The following MYO15B variants were observed in gnomAD, a reference collection of about 807,000 sequenced individuals.
The protein encoded by MYO15B is myosin XVB pseudogene.
In MYO15B, 207 loss-of-function variants were observed where a neutral mutation model predicts 119.3. The observed-to-expected ratio is 1.73, with a 90% confidence interval of 1.55 to 1.95. The LOEUF is 1.95. MYO15B is among the 30% of genes most tolerant of loss of function. MYO15B has a pLI of 0.00. For missense variants in MYO15B, 2,264 were observed against 1,203.1 expected (o/e 1.88, Z -13.04); for synonymous variants, 966 against 498.9 (o/e 1.94, Z -12.48).
intron 36 of MYO15B, 86 bp from the exon 37 acceptor site, chr17:75,615,983 T>C (rs2058348425): frequency 5.0e-6 from 3 of 596,170 alleles, no homozygotes; most frequent in Non-Finnish European, 9.0e-6. Context: ...GGGAAGAGGC[T>C]GCTGGCCCAG....
At chr17:75,604,638 C>G (rs371364844) in intron 19 of MYO15B, among the ~76,000 whole-genome samples, 63 of 150,622 alleles carry the variant, frequency 4.2e-4, no homozygotes, top group African/African-American at 1.4e-3. Context: ...CTGTTGCTCC[C>G]GTGGCCCAGA....
At position 75,591,235 on chromosome 17, in the gene MYO15B, C is replaced by T. The variant is rs770347217; in HGVS notation, c.2424C>T (p.Cys808=). 92 of 702,968 alleles carry T rather than the reference C, an allele frequency of 1.3e-4. No individual in the cohort carries two copies. The Middle Eastern group carries it at 3.9e-3, about 30-fold the overall frequency. 43.5% of individuals were successfully genotyped at this position (702,968 alleles called of 1,614,324 possible). A position where few individuals can be genotyped will look rare whatever the true frequency, so the allele number is the denominator to read the frequency against. The stretch of plus-strand genomic sequence containing the variant: ...CTCAGAATACTGGGCAGGACCCATG[C>T]ATCCTCCTGTGGTGAGTGGTGGCCT... The change falls in exon 4 of 64, where the codon TGC becomes TGT. Residue 808 remains cysteine, a synonymous_variant. Transcript: ENST00000645453.
In MYO15B at chr17:75,616,348, CG is replaced by C. The variant is rs752625324; in HGVS notation, c.6148del (p.Ala2050ProfsTer42). ...ATCACAGTGAGGACGATGAAGCCCC[CG>C]GCCAAGGTCCACATCCCCCAGGGGG... On this transcript the variant is annotated frameshift_variant, in exon 38 of 64. Coordinates refer to ENST00000645453, the Ensembl canonical transcript of MYO15B. LOFTEE classifies it high-confidence loss of function. The C allele has an allele frequency of 3.0e-5, 18 of 610,110 alleles. No homozygotes were observed. The highest frequency in any genetic ancestry group is 5.2e-5 in the Non-Finnish European group (18 of 343,476). 37.8% of individuals were successfully genotyped at this position (610,110 alleles called of 1,614,324 possible). A position where few individuals can be genotyped will look rare whatever the true frequency, so the allele number is the denominator to read the frequency against.
In MYO15B at chr17:75,622,158, T is replaced by C. The variant is rs1598923534; in HGVS notation, c.8082+78T>C. On this transcript the variant is annotated intron_variant, in intron 53 of 63. Transcript: ENST00000645453. ...CCTGAAGGAGATCCCCTTCTCTTGG[T>C]CACTGTCCTTCAAATCATTCCAAAG... 24 of 688,058 alleles carry C rather than the reference T, an allele frequency of 3.5e-5. No homozygotes were observed. In the East Asian group the frequency reaches 6.5e-4, roughly 19 times the overall value. 42.6% of individuals were successfully genotyped at this position (688,058 alleles called of 1,614,324 possible).
At chr17:75,600,265 G>T (rs1006417868) in intron 14 of MYO15B, among the ~76,000 whole-genome samples, 2 of 151,928 alleles carry the variant, frequency 1.3e-5, no homozygotes, top group East Asian at 3.9e-4. Context: ...CTGACCTCGT[G>T]ATCCACCTGC....
At chr17:75,612,118 T>C in intron 25 of MYO15B, 102 bp downstream of exon 25, 1 of 654,686 alleles carries the variant, frequency 1.5e-6, no homozygotes, top group Admixed American at 2.2e-5. Context: ...GCTCTTGCCC[T>C]CCTTCCTCCC....
chr17:75,625,003 G>C, intron 59 of MYO15B, 87 bp downstream of exon 59: 2 of 674,020 alleles, frequency 3.0e-6, no homozygotes, highest in East Asian at 2.7e-5. Flanking sequence ...TCCCCACAAG[G>C]GTGTGGGTCT....
At chr17:75,611,958 C>G (rs1294233010) in exon 25 of MYO15B, 1 of 702,880 alleles carries the variant, frequency 1.4e-6, no homozygotes, top group African/African-American at 1.7e-5. Context: ...CCCAGCCTGA[C>G]TCTCCCAGCA....
At chr17:75,607,604 C>T (rs944056618) in intron 21 of MYO15B, among the ~76,000 whole-genome samples, 1 of 151,926 alleles carries the variant, frequency 6.6e-6, no homozygotes, top group Non-Finnish European at 1.5e-5. Flanking sequence ...GCACCCACCA[C>T]CCGCCACCAC....
chr17:75,603,356 G>T, intron 19 of MYO15B, 44 bp downstream of exon 19: 1 of 698,102 alleles, frequency 1.4e-6, no homozygotes, highest in South Asian at 1.5e-5. Context: ...GGAGGCCACC[G>T]GGAGTGACTG....
chr17:75,614,437 G>A (rs2058233662), intron 30 of MYO15B, 77 bp downstream of exon 30: 2 of 676,730 alleles, frequency 3.0e-6, no homozygotes, highest in East Asian at 2.7e-5. Context: ...ACACTCAGGG[G>A]TTTATAGGAG....
intron 14 of MYO15B, among the ~76,000 whole-genome samples, chr17:75,601,223 G>T (rs1425576156): frequency 6.6e-6 from 1 of 152,034 alleles, no homozygotes; most frequent in East Asian, 1.9e-4. Context: ...ATTTTTTGTA[G>T]AGATGGGATC....
exon 64 of MYO15B, chr17:75,626,472 C>T: frequency 1.4e-6 from 1 of 703,240 alleles, no homozygotes; most frequent in South Asian, 1.5e-5. Context: ...CTGAGTGGCC[C>T]AGCATCAACT....
intron 53 of MYO15B, among the ~76,000 whole-genome samples, chr17:75,622,431 C>G (rs781287273): frequency 6.6e-6 from 1 of 152,124 alleles, no homozygotes; most frequent in Non-Finnish European, 1.5e-5. Flanking sequence ...GGGGAAGCCT[C>G]GGCACCATCA....
At chr17:75,620,326 C>T (rs2058634309) in exon 48 of MYO15B, 1 of 702,838 alleles carries the variant, frequency 1.4e-6, no homozygotes, top group Non-Finnish European at 2.6e-6. Flanking sequence ...GGGACCTCAT[C>T]AAGCTGCTGC....
exon 21 of MYO15B, chr17:75,605,999 C>T (rs890843874): frequency 3.3e-5 from 23 of 700,566 alleles, no homozygotes; most frequent in Non-Finnish European, 5.5e-5. Flanking sequence ...GATGCAGGCT[C>T]GCATGCGTGG....
At chr17:75,597,827 G>T (rs547407088) in intron 14 of MYO15B, among the ~76,000 whole-genome samples, 1 of 152,192 alleles carries the variant, frequency 6.6e-6, no homozygotes, top group Admixed American at 6.5e-5. Context: ...GAGGTGGATG[G>T]ATTGCTTGAG....
At chr17:75,605,554 A>T in exon 20 of MYO15B, 1 of 702,606 alleles carries the variant, frequency 1.4e-6, no homozygotes, top group South Asian at 1.5e-5. Context: ...GACCGGGAGA[A>T]GTGTGGTGCC....
chr17:75,616,661 G>A, exon 39 of MYO15B: 3 of 702,974 alleles, frequency 4.3e-6, no homozygotes, highest in Non-Finnish European at 7.8e-6. Context: ...CCAAGGCAGG[G>A]GGACTGTGGT....
Sources: gnomAD v4.1 joint callset for allele counts (sites outside exome capture counted in the v4.1 genomes callset) on GRCh38, gnomAD v4.1.1 for gene constraint, MANE v1.5 for transcripts, NCBI Gene and HGNC (gene_info 2026-07-23, HGNC 2026-07-21) for gene names.